Variants in PPFIA2 observed in about 807,000 individuals in gnomAD.
The protein encoded by PPFIA2 is liprin-alpha-2.
In PPFIA2, 46 loss-of-function variants were observed where a neutral mutation model predicts 175.5. The ratio of observed to expected loss-of-function variants is 0.26; its 90% CI spans 0.21 to 0.34. PPFIA2 has a LOEUF of 0.34. PPFIA2 is among the 10% of genes least tolerant of loss of function. The pLI, the probability that PPFIA2 is intolerant of heterozygous loss-of-function variation, is 1.00. For missense variants in PPFIA2, 1,179 were observed against 1,506.1 expected (o/e 0.78, Z 3.60); for synonymous variants, 568 against 511.4 (o/e 1.11, Z -1.49).
intron 4 of PPFIA2, among the ~76,000 whole-genome samples, chr12:81,483,715 AG>A (rs2058506511): frequency 6.6e-6 from 1 of 152,126 alleles, no homozygotes; most frequent in Admixed American, 6.6e-5. Flanking sequence ...AAAAACTGTA[AG>A]GAAAAAACTA....
intron 3 of PPFIA2, among the ~76,000 whole-genome samples, chr12:81,735,252 T>C (rs1264848495): frequency 6.6e-6 from 1 of 151,828 alleles, no homozygotes; most frequent in Non-Finnish European, 1.5e-5. Context: ...AGTTCTTAAT[T>C]CACCACAATG....
chr12:81,668,993 G>T (rs1169471140), intron 4 of PPFIA2, among the ~76,000 whole-genome samples: 1 of 151,926 alleles, frequency 6.6e-6, no homozygotes, highest in African/African-American at 2.4e-5. Context: ...CTATGTGCCA[G>T]CGTTGGTGGT....
intron 9 of PPFIA2, among the ~76,000 whole-genome samples, chr12:81,376,494 A>G (rs1384876373): frequency 6.6e-6 from 1 of 152,172 alleles, no homozygotes; most frequent in Admixed American, 6.6e-5. Context: ...TTACCTAGTT[A>G]TATATGTTTC....
chr12:81,532,751 A>G (rs994726079), intron 4 of PPFIA2, among the ~76,000 whole-genome samples: 3 of 151,532 alleles, frequency 2.0e-5, no homozygotes, highest in African/African-American at 7.3e-5. Context: ...CCTGATTCCC[A>G]TTTTATTTTT....
intron 4 of PPFIA2, among the ~76,000 whole-genome samples, chr12:81,552,490 G>A (rs577720748): frequency 2.0e-5 from 3 of 151,920 alleles, no homozygotes; most frequent in African/African-American, 7.2e-5. Flanking sequence ...TTTCTGACTT[G>A]CCAAACATGT....
chr12:81,503,828 A>G (rs1192074656), intron 4 of PPFIA2, among the ~76,000 whole-genome samples: 2 of 152,146 alleles, frequency 1.3e-5, no homozygotes, highest in East Asian at 3.9e-4. Context: ...TCTACAATGT[A>G]TGAAAAACTG....
chr12:81,740,037 C>T (rs1019487613), intron 3 of PPFIA2, among the ~76,000 whole-genome samples: 2 of 152,044 alleles, frequency 1.3e-5, no homozygotes, highest in Admixed American at 1.3e-4. Context: ...CTTCCTGTAG[C>T]ACCTATTGCA....
chr12:81,706,405 C>T (rs749348793), intron 3 of PPFIA2, among the ~76,000 whole-genome samples: 13 of 152,166 alleles, frequency 8.5e-5, no homozygotes, highest in Non-Finnish European at 1.6e-4. Context: ...AACTTCATAA[C>T]TATCTTTACT....
chr12:81,626,072 T>C (rs980312809), intron 4 of PPFIA2, among the ~76,000 whole-genome samples: 2 of 151,860 alleles, frequency 1.3e-5, no homozygotes, highest in Non-Finnish European at 2.9e-5. Flanking sequence ...AAAGCTCATA[T>C]TTGTTATTCC....
intron 3 of PPFIA2, among the ~76,000 whole-genome samples, chr12:81,738,434 T>C (rs2081914794): frequency 6.6e-6 from 1 of 151,866 alleles, no homozygotes; most frequent in Admixed American, 6.6e-5. Flanking sequence ...AAAGAATAAT[T>C]GGTAACATAA....
chr12:81,757,448 G>T (rs931365115), intron 2 of PPFIA2, among the ~76,000 whole-genome samples: 4 of 152,130 alleles, frequency 2.6e-5, no homozygotes, highest in African/African-American at 9.7e-5. Context: ...TCTAGATATT[G>T]ATGCTTTCCT....
At chr12:81,366,999 G>T in intron 14 of PPFIA2, 109 bp downstream of exon 14, 2 of 1,189,530 alleles carry the variant, frequency 1.7e-6, no homozygotes, top group South Asian at 3.4e-5. Context: ...GTTTTACAAA[G>T]ATAGCATACT....
chr12:81,652,377 C>G (rs982612382), intron 4 of PPFIA2, among the ~76,000 whole-genome samples: 1 of 151,458 alleles, frequency 6.6e-6, no homozygotes, highest in African/African-American at 2.4e-5. Flanking sequence ...ATTTCCATCT[C>G]ATCTTACATA....
rs549264907 is a variant in PPFIA2, at chr12:81,328,054, C to A, written c.2549-2184G>T. On this transcript the variant is annotated intron_variant, in intron 21 of 32. Coordinates refer to ENST00000549396, the MANE Select transcript of PPFIA2 (RefSeq NM_003625.5). The stretch of plus-strand genomic sequence containing the variant: ...ACCAGGAGAAAAGTCCCAGCAAGTG[C>A]ATATTTTCAGCCCAATTAAAACACT... Among the ~76,000 whole-genome samples the A allele has an allele frequency of 1.2e-4, 18 of 152,224 alleles. 1 individual carries two copies. The South Asian group carries it at 2.9e-3, about 25-fold the overall frequency.
intron 7 of PPFIA2, among the ~76,000 whole-genome samples, chr12:81,415,600 A>C (rs1006416624): frequency 6.6e-6 from 1 of 150,786 alleles, no homozygotes; most frequent in Non-Finnish European, 1.5e-5. Flanking sequence ...TCTTTAAATT[A>C]ATATTTAAAG....
chr12:81,327,506 A>T (rs186953398), intron 21 of PPFIA2, among the ~76,000 whole-genome samples: 1 of 152,242 alleles, frequency 6.6e-6, no homozygotes, highest in East Asian at 1.9e-4. Flanking sequence ...TAGTCTTCAA[A>T]TAATAATAAA....
chr12:81,314,505 C>G (rs537192847), intron 22 of PPFIA2, among the ~76,000 whole-genome samples: 2 of 151,776 alleles, frequency 1.3e-5, no homozygotes, highest in Non-Finnish European at 3.0e-5. Flanking sequence ...GAGATCAGAT[C>G]CAATTATTGA....
At chr12:81,292,209 A>C (rs1243340110) in intron 24 of PPFIA2, 1 of 152,076 alleles carries the variant, frequency 6.6e-6, no homozygotes, top group Non-Finnish European at 1.5e-5. Flanking sequence ...TCTTGGGAGG[A>C]AAATGTGGAT....
chr12:81,645,866 A>G (rs2065987214), intron 4 of PPFIA2, among the ~76,000 whole-genome samples: 1 of 152,220 alleles, frequency 6.6e-6, no homozygotes, highest in Non-Finnish European at 1.5e-5. Context: ...GCTCTTTTAC[A>G]AGAGGGGTTC....
Sources: allele counts gnomAD v4.1 joint callset (sites outside exome capture counted in the v4.1 genomes callset), GRCh38; gene constraint gnomAD v4.1.1; transcripts MANE v1.5; gene names NCBI Gene and HGNC (gene_info 2026-07-23, HGNC 2026-07-21).